Variants in SCEL observed in about 807,000 individuals in gnomAD.
SCEL encodes sciellin.
Under a neutral mutation model 117.6 loss-of-function variants are expected in SCEL, and 113 were observed. That is an observed-to-expected ratio of 0.96 (90% CI 0.83 to 1.12). SCEL has a LOEUF of 1.12. SCEL is among the 50% of genes most tolerant of loss of function. SCEL has a pLI of 0.00. For synonymous variants in SCEL, 270 were observed against 256.2 expected (o/e 1.05, Z -0.51); for missense variants, 785 against 810.8 (o/e 0.97, Z 0.39).
At chr13:77,548,529 G>A (rs117380414) in intron 1 of SCEL, among the ~76,000 whole-genome samples, 1 of 152,320 alleles carries the variant, frequency 6.6e-6, no homozygotes, top group East Asian at 1.9e-4. Flanking sequence ...AGATGGGCAG[G>A]AAGTCTGTAT....
intron 1 of SCEL, among the ~76,000 whole-genome samples, chr13:77,538,795 C>G (rs1488455984): frequency 5.3e-5 from 8 of 152,178 alleles, no homozygotes; most frequent in Non-Finnish European, 1.0e-4. Flanking sequence ...CCAAGTTTCC[C>G]TGACTCTAAA....
chr13:77,553,794 T>C (rs781172003), intron 1 of SCEL, among the ~76,000 whole-genome samples: 1 of 152,028 alleles, frequency 6.6e-6, no homozygotes, highest in Non-Finnish European at 1.5e-5. Flanking sequence ...ACACTTTACA[T>C]ATGTTATCTA....
chr13:77,560,103 T>C (rs145422133), intron 4 of SCEL, among the ~76,000 whole-genome samples: 251 of 151,996 alleles, frequency 1.7e-3, no homozygotes, highest in African/African-American at 5.7e-3. Context: ...GAGGTGATCC[T>C]CCTGACAGGC....
At chr13:77,573,268 G>A (rs1003973600) in intron 9 of SCEL, among the ~76,000 whole-genome samples, 2 of 152,046 alleles carry the variant, frequency 1.3e-5, no homozygotes, top group East Asian at 1.9e-4. Context: ...TTGTATAATC[G>A]ATATCATCAC....
chr13:77,556,766 T>C, intron 3 of SCEL, 53 bp downstream of exon 3: 1 of 1,218,444 alleles, frequency 8.2e-7, no homozygotes, highest in East Asian at 2.3e-5. Flanking sequence ...AGAGGCATTA[T>C]CTGTTTGGGA....
At chr13:77,569,851 C>T (rs555124508) in intron 8 of SCEL, among the ~76,000 whole-genome samples, 1 of 152,282 alleles carries the variant, frequency 6.6e-6, no homozygotes, top group South Asian at 2.1e-4. Flanking sequence ...AATGCAGAGT[C>T]AAAGACCCTT....
At chr13:77,635,966 G>A (rs995454438) in intron 29 of SCEL, among the ~76,000 whole-genome samples, 4 of 152,156 alleles carry the variant, frequency 2.6e-5, no homozygotes, top group African/African-American at 7.2e-5. Flanking sequence ...TTCCTGATGT[G>A]CATCAGAGTT....
At chr13:77,595,040 A>T (rs1024589544) in intron 12 of SCEL, among the ~76,000 whole-genome samples, 1 of 152,018 alleles carries the variant, frequency 6.6e-6, no homozygotes, top group African/African-American at 2.4e-5. Flanking sequence ...TCCAGTAGGG[A>T]TTAGACAGTG....
rs183045750 is a variant in SCEL, at chr13:77,546,724, G to T, written c.-19-9133G>T. Reference sequence around the variant, plus strand: ...AAAAGAAATCTCTTAAACAAACGAGGCGGTTTATTTTTCTCTTGGAAGGAG... The same window carrying T: ...AAAAGAAATCTCTTAAACAAACGAGTCGGTTTATTTTTCTCTTGGAAGGAG... On this transcript the variant is annotated intron_variant, in intron 1 of 32. Coordinates refer to ENST00000349847, the MANE Select transcript of SCEL (RefSeq NM_144777.3). Among the ~76,000 whole-genome samples the T allele has an allele frequency of 2.4e-4, 37 of 152,142 alleles. No homozygotes were observed. In the East Asian group the frequency reaches 7.1e-3, roughly 29 times the overall value.
At chr13:77,540,171 T>C (rs2083627503) in intron 1 of SCEL, among the ~76,000 whole-genome samples, 1 of 152,196 alleles carries the variant, frequency 6.6e-6, no homozygotes, top group Admixed American at 6.5e-5. Flanking sequence ...AACAACAAAA[T>C]ATATTGTAAA....
At chr13:77,566,873 C>T (rs2085319766) in intron 5 of SCEL, among the ~76,000 whole-genome samples, 1 of 152,050 alleles carries the variant, frequency 6.6e-6, no homozygotes, top group Admixed American at 6.5e-5. Flanking sequence ...CGTATCTGCC[C>T]ACACTCTTTA....
Position 77,617,671 on chromosome 13 carries a change from T to C in SCEL, c.1511+13T>C. On this transcript the variant is annotated intron_variant, in intron 25 of 32. Transcript: ENST00000349847. ...CAAACAACCAAAGGTAATAAAACTA[T>C]GTTGTTTTAATGTACTTGGGTCAGA... The C allele has an allele frequency of 1.3e-6, 2 of 1,564,604 alleles. No homozygotes were observed. The highest frequency in any genetic ancestry group is 8.8e-7 in the Non-Finnish European group (1 of 1,140,870).
intron 27 of SCEL, among the ~76,000 whole-genome samples, 161 bp from the exon 28 acceptor site, chr13:77,627,786 A>G (rs978647746): frequency 6.6e-6 from 1 of 152,052 alleles, no homozygotes; most frequent in Non-Finnish European, 1.5e-5. Flanking sequence ...CATGAGTTGT[A>G]TGGATCAAAT....
Position 77,586,033 on chromosome 13 carries a change from C to T in SCEL, c.546-3111C>T, listed in dbSNP as rs78535801. The stretch of plus-strand genomic sequence containing the variant: ...CTCCCTCCTCCCTGAAACTCTCCAT[C>T]TCCTTTGAAGCCATGCCCTTGTGAG... On this transcript the variant is annotated intron_variant, in intron 9 of 32. Coordinates refer to ENST00000349847, the MANE Select transcript of SCEL (RefSeq NM_144777.3). 3.6e-3 allele frequency among the ~76,000 whole-genome samples: 549 copies of T among 152,270 alleles called. 2 individuals are homozygous for T. The highest frequency in any genetic ancestry group is 0.01 in the Middle Eastern group (3 of 294).
At position 77,576,235 on chromosome 13, in the gene SCEL, T is replaced by G. The variant is rs901334612; in HGVS notation, c.545+4046T>G. Among the ~76,000 whole-genome samples, 8 of 152,286 alleles carry G rather than the reference T, an allele frequency of 5.3e-5. 1 individual carries two copies. Among genetic ancestry groups the G allele is most frequent in the Middle Eastern group, 6.8e-3 (2 of 294 alleles). Reference sequence around the variant, plus strand: ...ACCTTGCTTATATCAGTCTGTATGATCTTGTGACCCTTCAAAGGGCACCAC... The same window carrying G: ...ACCTTGCTTATATCAGTCTGTATGAGCTTGTGACCCTTCAAAGGGCACCAC... On this transcript the variant is annotated intron_variant, in intron 9 of 32. Transcript: ENST00000349847.
intron 18 of SCEL, 169 bp from the exon 19 acceptor site, chr13:77,604,187 T>G: frequency 2.2e-6 from 1 of 464,168 alleles, no homozygotes; most frequent in Non-Finnish European, 3.7e-6. Context: ...TTAAATGGTC[T>G]TCAGCTCAAG....
chr13:77,618,009 A>T lies in SCEL; in HGVS notation c.1577A>T (p.Asp526Val). 1 of 1,613,524 alleles carries T rather than the reference A, an allele frequency of 6.2e-7. No homozygotes were observed. The highest frequency in any genetic ancestry group is 1.3e-5 in the African/African-American group (1 of 75,018). ...PAVIRNNQSQDLDNLIKVKPS... is the reference protein window; with the variant it reads ...PAVIRNNQSQVLDNLIKVKPS... Reference sequence around the variant, plus strand: ...TCTCTCTCTCTTTTAAACAGCCAAGACTTGGACAATCTTATTAAAGTGAAA... The same window carrying T: ...TCTCTCTCTCTTTTAAACAGCCAAGTCTTGGACAATCTTATTAAAGTGAAA... The change falls in exon 27 of 33, where the codon GAC becomes GTC. Residue 526 changes from aspartate to valine, a missense_variant. Asp to Val is a radical substitution (Grantham distance 152). Coordinates refer to ENST00000349847, the MANE Select transcript of SCEL (RefSeq NM_144777.3).
At chr13:77,637,806 G>C (rs2090377032) in intron 30 of SCEL, among the ~76,000 whole-genome samples, 1 of 152,194 alleles carries the variant, frequency 6.6e-6, no homozygotes, top group South Asian at 2.1e-4. Flanking sequence ...CTGGGCCCAA[G>C]CTCAGTTCCC....
Position 77,644,337 on chromosome 13 carries a change from C to A in SCEL, c.*63C>A. 6.6e-7 allele frequency: 1 copy of A among 1,510,142 alleles called. No individual in the cohort carries two copies. The highest frequency in any genetic ancestry group is 9.2e-7 in the Non-Finnish European group (1 of 1,090,806). 93.5% of individuals were successfully genotyped at this position (1,510,142 alleles called of 1,614,324 possible). The stretch of plus-strand genomic sequence containing the variant: ...AAGGAATTAAAGTTACAAGTTTTAT[C>A]TTAATAATATGTAATCTAGAAAAGC... On this transcript the variant is annotated 3_prime_UTR_variant, in exon 33 of 33. Coordinates refer to ENST00000349847, the MANE Select transcript of SCEL (RefSeq NM_144777.3).
Sources: allele counts gnomAD v4.1 joint callset (sites outside exome capture counted in the v4.1 genomes callset), GRCh38; gene constraint gnomAD v4.1.1; transcripts MANE v1.5; gene names NCBI Gene and HGNC (gene_info 2026-07-23, HGNC 2026-07-21).